The following SLC39A11 variants were observed in gnomAD, a reference collection of about 807,000 sequenced individuals.
The protein encoded by SLC39A11 is solute carrier family 39 member 11, also known as zinc transporter ZIP11.
Under a neutral mutation model 36.1 loss-of-function variants are expected in SLC39A11, and 33 were observed. The observed-to-expected ratio is 0.91, with a 90% confidence interval of 0.69 to 1.22. The LOEUF (loss-of-function observed/expected upper bound fraction) is 1.22. Among genes scored for constraint, SLC39A11 ranks in the 50% most tolerant of loss-of-function variants. The pLI, the probability that SLC39A11 is intolerant of heterozygous loss-of-function variation, is 0.00. For missense variants in SLC39A11, 432 were observed against 430.3 expected (o/e 1.00, Z -0.03); for synonymous variants, 166 against 170.3 (o/e 0.97, Z 0.20).
chr17:72,781,365 G>C (rs1031986103), intron 6 of SLC39A11, among the ~76,000 whole-genome samples: 2 of 151,296 alleles, frequency 1.3e-5, no homozygotes, highest in Admixed American at 1.3e-4. Context: ...CCACCTCTTT[G>C]GAAATGCTTT....
At chr17:72,678,649 G>A (rs977416609) in intron 7 of SLC39A11, among the ~76,000 whole-genome samples, 15 of 151,970 alleles carry the variant, frequency 9.9e-5, no homozygotes, top group Non-Finnish European at 1.8e-4. Context: ...AGGTTGTAGT[G>A]AGCCGAGATT....
chr17:72,694,450 G>T (rs941372907), intron 7 of SLC39A11, among the ~76,000 whole-genome samples: 1 of 152,216 alleles, frequency 6.6e-6, no homozygotes, highest in Non-Finnish European at 1.5e-5. Flanking sequence ...CTGTCTCCTT[G>T]GTCTCAGACA....
intron 5 of SLC39A11, among the ~76,000 whole-genome samples, chr17:72,854,348 C>A (rs370682399): frequency 5.5e-4 from 84 of 151,990 alleles, no homozygotes; most frequent in African/African-American, 1.9e-3. Context: ...GGCTGAACTG[C>A]TCATTGCTTG....
chr17:72,847,003 C>T (rs2033409), intron 6 of SLC39A11, among the ~76,000 whole-genome samples: 125,910 of 152,144 alleles, frequency 0.83, 53,131 homozygotes, highest in East Asian at 0.96. Flanking sequence ...GGGGTGGGCA[C>T]GAGCAGGGTC....
chr17:72,901,099 T>G (rs4969132), intron 5 of SLC39A11, among the ~76,000 whole-genome samples: 76,309 of 151,926 alleles, frequency 0.5, 19,548 homozygotes, highest in East Asian at 0.72. Context: ...TGAAAAATCG[T>G]GTCCAAGTGA....
intron 3 of SLC39A11, among the ~76,000 whole-genome samples, chr17:73,050,480 T>C (rs1452860044): frequency 6.7e-6 from 1 of 149,646 alleles, no homozygotes; most frequent in Non-Finnish European, 1.5e-5. Context: ...TTTTTTTTTT[T>C]TGAGACACAG....
chr17:72,972,613 C>A (rs1490391262), intron 4 of SLC39A11, among the ~76,000 whole-genome samples: 2 of 152,120 alleles, frequency 1.3e-5, no homozygotes, highest in Admixed American at 1.3e-4. Context: ...ATCATTACAA[C>A]CCTCCGAGAA....
chr17:73,063,484 G>A (rs964610345), intron 3 of SLC39A11, among the ~76,000 whole-genome samples: 8 of 152,020 alleles, frequency 5.3e-5, no homozygotes, highest in East Asian at 3.9e-4. Context: ...GTGCAGTGGC[G>A]CGTGCCTGTA....
chr17:72,732,045 T>C (rs12941831), intron 7 of SLC39A11, among the ~76,000 whole-genome samples: 156 of 23,060 alleles, frequency 6.8e-3, no homozygotes, highest in Non-Finnish European at 0.012. Flanking sequence ...CTTTTCTTTT[T>C]TTTTTTTTTT....
chr17:73,051,158 G>C (rs2059485620), intron 3 of SLC39A11, among the ~76,000 whole-genome samples: 1 of 152,128 alleles, frequency 6.6e-6, no homozygotes, highest in Admixed American at 6.5e-5. Context: ...TCTAGTGGCT[G>C]CCAGAAGCCC....
Position 72,879,747 on chromosome 17 carries a change from C to T in SLC39A11, c.431-29943G>A, listed in dbSNP as rs2081099286. ...GGTAGCATGCTGACCACCTGCCCTCCCATTGTTTCTATAGATAAATCTCTC... is the reference window on the plus strand; with the variant it reads ...GGTAGCATGCTGACCACCTGCCCTCTCATTGTTTCTATAGATAAATCTCTC... On this transcript the variant is annotated intron_variant, in intron 5 of 9. Coordinates refer to ENST00000255559, the MANE Select transcript of SLC39A11 (RefSeq NM_139177.4). Among the ~76,000 whole-genome samples, 3 of 152,176 alleles carry T rather than the reference C, an allele frequency of 2.0e-5. No individual in the cohort carries two copies. The South Asian group carries it at 6.2e-4, about 32-fold the overall frequency.
At chr17:73,068,787 A>AT (rs2060073725) in intron 3 of SLC39A11, among the ~76,000 whole-genome samples, 1 of 152,156 alleles carries the variant, frequency 6.6e-6, no homozygotes, top group Non-Finnish European at 1.5e-5. Context: ...CTTTCACCTA[A>AT]GTGCAAGAAC....
intron 5 of SLC39A11, among the ~76,000 whole-genome samples, chr17:72,913,724 G>T (rs1272418056): frequency 6.6e-6 from 1 of 152,108 alleles, no homozygotes; most frequent in Non-Finnish European, 1.5e-5. Context: ...GCATGGTGGG[G>T]TTATCTGCTA....
intron 5 of SLC39A11, among the ~76,000 whole-genome samples, chr17:72,914,077 G>A (rs1051617678): frequency 1.2e-4 from 18 of 151,890 alleles, no homozygotes; most frequent in Non-Finnish European, 2.5e-4. Context: ...CACTTTGGGA[G>A]GCCGAGGTGG....
intron 7 of SLC39A11, among the ~76,000 whole-genome samples, chr17:72,707,364 A>T (rs761822860): frequency 6.6e-6 from 1 of 152,180 alleles, no homozygotes; most frequent in Non-Finnish European, 1.5e-5. Context: ...TGAGCATGCC[A>T]CTGTACTCTA....
chr17:73,000,230 C>T (rs553550045), intron 4 of SLC39A11, among the ~76,000 whole-genome samples: 2 of 150,474 alleles, frequency 1.3e-5, no homozygotes, highest in South Asian at 4.2e-4. Flanking sequence ...TCCCCTCCCC[C>T]ATTCCCCTCT....
Position 72,696,121 on chromosome 17 carries a change from T to A in SLC39A11, c.671+40529A>T, listed in dbSNP as rs76145472. Among the ~76,000 whole-genome samples, 4 of 152,084 alleles carry A rather than the reference T, an allele frequency of 2.6e-5. No homozygotes were observed. The East Asian group carries it at 5.8e-4, about 22-fold the overall frequency. On this transcript the variant is annotated intron_variant, in intron 7 of 9. Coordinates refer to ENST00000255559, the MANE Select transcript of SLC39A11 (RefSeq NM_139177.4). Reference sequence around the variant, plus strand: ...ATAATTAAGCGAGGAAAAAAGTGTATATAATTACAGCTTGTGAAGATCTCG... The same window carrying A: ...ATAATTAAGCGAGGAAAAAAGTGTAAATAATTACAGCTTGTGAAGATCTCG...
At chr17:72,794,008 G>A (rs1051213138) in intron 6 of SLC39A11, among the ~76,000 whole-genome samples, 1 of 152,138 alleles carries the variant, frequency 6.6e-6, no homozygotes, top group African/African-American at 2.4e-5. Flanking sequence ...CCATAGTCCT[G>A]CCTCTAACTG....
chr17:72,853,830 T>A (rs1422984073), intron 5 of SLC39A11, among the ~76,000 whole-genome samples: 1 of 152,092 alleles, frequency 6.6e-6, no homozygotes, highest in Non-Finnish European at 1.5e-5. Context: ...AGTTCAACCA[T>A]CACACCCATC....
Sources: allele counts gnomAD v4.1 joint callset (sites outside exome capture counted in the v4.1 genomes callset), GRCh38; gene constraint gnomAD v4.1.1; transcripts MANE v1.5; gene names NCBI Gene and HGNC (gene_info 2026-07-23, HGNC 2026-07-21).